The following CDK17 variants were observed in gnomAD, a reference collection of about 807,000 sequenced individuals.
CDK17 encodes cyclin-dependent kinase 17.
A neutral mutation model predicts 77.6 loss-of-function variants in CDK17; 24 were observed. That is an observed-to-expected ratio of 0.31 (90% CI 0.22 to 0.44). The LOEUF (loss-of-function observed/expected upper bound fraction) is 0.44. Ranked by LOEUF, CDK17 falls within the 20% of genes least tolerant of loss-of-function variation. The pLI, the probability that CDK17 is intolerant of heterozygous loss-of-function variation, is 1.00. For synonymous variants in CDK17, 203 were observed against 210.4 expected (o/e 0.96, Z 0.30); for missense variants, 429 against 622.5 (o/e 0.69, Z 3.31).
Position 96,297,714 on chromosome 12 carries a change from T to C in CDK17, c.723A>G (p.Leu241=), listed in dbSNP as rs1163970593. The C allele has an allele frequency of 1.3e-6, 2 of 1,554,196 alleles. No individual in the cohort carries two copies. Among genetic ancestry groups the C allele is most frequent in the Non-Finnish European group, 1.8e-6 (2 of 1,131,174 alleles). ...APCTAIREVS[L]LKDLKHANIV... ...TATTTGCATGTTTTAAATCCTTTAA[T>C]AGTGAAACTGCAAAACAGAAAAAGA... is the stretch of plus-strand genomic sequence containing the variant. Residue 241 remains leucine (L), a synonymous_variant, in exon 8 of 17, where the codon CTA becomes CTG. Coordinates refer to ENST00000261211, the MANE Select transcript of CDK17 (RefSeq NM_002595.5).
At chr12:96,287,575 ATC>A (rs1382421290) in intron 11 of CDK17, among the ~76,000 whole-genome samples, 3 of 152,108 alleles carry the variant, frequency 2.0e-5, no homozygotes, top group Non-Finnish European at 4.4e-5. Flanking sequence ...AAGAACTGAA[ATC>A]AGGCCAATGC....
chr12:96,379,468 C>T lies in CDK17; in HGVS notation c.-30+20518G>A, dbSNP rs180785396. 6.6e-5 allele frequency among the ~76,000 whole-genome samples: 10 copies of T among 152,118 alleles called. No homozygotes were observed. The East Asian group carries it at 1.9e-3, about 29-fold the overall frequency. On this transcript the variant is annotated intron_variant, in intron 1 of 16. Coordinates refer to ENST00000261211, the MANE Select transcript of CDK17 (RefSeq NM_002595.5). The stretch of plus-strand genomic sequence containing the variant: ...GAGACAGGGTCTCAAGTCTGTCCCC[C>T]AGGCTGGAGTGCAGTGCCATCATAG...
chr12:96,383,699 T>C (rs1310493928), intron 1 of CDK17, among the ~76,000 whole-genome samples: 1 of 152,150 alleles, frequency 6.6e-6, no homozygotes, highest in Non-Finnish European at 1.5e-5. Context: ...CAATAAATCA[T>C]GTTGGGATAA....
intron 1 of CDK17, among the ~76,000 whole-genome samples, chr12:96,377,222 C>T (rs779189889): frequency 1.3e-5 from 2 of 152,114 alleles, no homozygotes; most frequent in Non-Finnish European, 2.9e-5. Context: ...GGATGAACTT[C>T]CTTATAACCT....
At chr12:96,337,144 T>G (rs1408907054) in intron 1 of CDK17, among the ~76,000 whole-genome samples, 1 of 152,200 alleles carries the variant, frequency 6.6e-6, no homozygotes, top group African/African-American at 2.4e-5. Context: ...GACTTGAGAC[T>G]GAGTTTCAGA....
chr12:96,373,628 A>C (rs1953729662), intron 1 of CDK17, among the ~76,000 whole-genome samples: 1 of 151,318 alleles, frequency 6.6e-6, no homozygotes, highest in Admixed American at 6.6e-5. Context: ...AAGAATTAAC[A>C]ATTACCTCAA....
chr12:96,368,218 G>C (rs988681691), intron 1 of CDK17, among the ~76,000 whole-genome samples: 6 of 152,206 alleles, frequency 3.9e-5, no homozygotes, highest in African/African-American at 1.4e-4. Flanking sequence ...ATGGTATTCT[G>C]AATCTACCTA....
At chr12:96,324,899 T>C (rs1952873372) in intron 2 of CDK17, among the ~76,000 whole-genome samples, 1 of 152,150 alleles carries the variant, frequency 6.6e-6, no homozygotes, top group Non-Finnish European at 1.5e-5. Context: ...CCGAAGTACC[T>C]AAATACATAT....
At chr12:96,335,345 C>T (rs1266002762) in intron 1 of CDK17, 6 of 242,360 alleles carry the variant, frequency 2.5e-5, no homozygotes, top group Admixed American at 1.1e-4. Context: ...TTCCTTTTTA[C>T]GCTCTTACAC....
intron 1 of CDK17, among the ~76,000 whole-genome samples, chr12:96,350,819 C>T (rs901267222): frequency 2.6e-5 from 4 of 152,062 alleles, no homozygotes; most frequent in African/African-American, 9.7e-5. Flanking sequence ...TTAAATATGA[C>T]ACCAAAGGCA....
intron 1 of CDK17, chr12:96,387,100 C>A: frequency 3.0e-6 from 1 of 332,100 alleles, no homozygotes; most frequent in Non-Finnish European, 6.0e-6. Flanking sequence ...ACGGTGACAT[C>A]CACACCTGTG....
chr12:96,319,877 T>C (rs1310652456), intron 3 of CDK17, among the ~76,000 whole-genome samples: 5 of 144,818 alleles, frequency 3.5e-5, no homozygotes, highest in Admixed American at 1.4e-4. Context: ...GCATTCCCTT[T>C]GAAAACTGGC....
chr12:96,312,937 TA>T (rs1190105408), intron 4 of CDK17, among the ~76,000 whole-genome samples: 1 of 152,174 alleles, frequency 6.6e-6, no homozygotes, highest in African/African-American at 2.4e-5. Flanking sequence ...AAATGCTAAT[TA>T]TCCAGATGAA....
chr12:96,323,289 A>AC (rs1952848317), intron 3 of CDK17, among the ~76,000 whole-genome samples: 1 of 101,148 alleles, frequency 9.9e-6, no homozygotes, highest in African/African-American at 3.6e-5. Flanking sequence ...AAAAAACAAA[A>AC]ACAAACAAAC....
intron 2 of CDK17, among the ~76,000 whole-genome samples, chr12:96,333,671 CAAA>C (rs58025242): frequency 1.8e-5 from 2 of 111,554 alleles, no homozygotes; most frequent in African/African-American, 3.1e-5. Context: ...GAGACTGTCT[CAAA>C]AAAAAAAAAA....
chr12:96,344,934 T>A (rs774962416), intron 1 of CDK17, among the ~76,000 whole-genome samples: 2 of 152,136 alleles, frequency 1.3e-5, no homozygotes, highest in African/African-American at 2.4e-5. Context: ...ACCTAGGTAT[T>A]AAGGCCAACA....
intron 5 of CDK17, among the ~76,000 whole-genome samples, chr12:96,308,270 G>T (rs1952602219): frequency 6.7e-6 from 1 of 148,324 alleles, no homozygotes; most frequent in Admixed American, 6.8e-5. Context: ...AATTAGCTGG[G>T]TGTGATGGTG....
chr12:96,351,473 A>G (rs1286682777), intron 1 of CDK17, among the ~76,000 whole-genome samples: 1 of 152,176 alleles, frequency 6.6e-6, no homozygotes, highest in Admixed American at 6.5e-5. Flanking sequence ...AAAACAAATG[A>G]AGTTCTGACA....
At chr12:96,352,995 T>C (rs1953333627) in intron 1 of CDK17, among the ~76,000 whole-genome samples, 1 of 152,192 alleles carries the variant, frequency 6.6e-6, no homozygotes, top group South Asian at 2.1e-4. Context: ...CCTGTCCCAC[T>C]ACTATTAATA....
Sources: allele counts gnomAD v4.1 joint callset (sites outside exome capture counted in the v4.1 genomes callset), GRCh38; gene constraint gnomAD v4.1.1; transcripts MANE v1.5; gene names NCBI Gene and HGNC (gene_info 2026-07-23, HGNC 2026-07-21).